TSPAN5: variants seen among roughly 807,000 people sequenced by gnomAD.
The protein encoded by TSPAN5 is tetraspanin 5.
Under a neutral mutation model 37.1 loss-of-function variants are expected in TSPAN5, and 10 were observed. The observed-to-expected ratio is 0.27, with a 90% CI of 0.17 to 0.46. TSPAN5 has a LOEUF of 0.46. Among genes scored for constraint, TSPAN5 ranks in the 20% least tolerant of loss-of-function variants. TSPAN5 has a pLI of 1.00. For missense variants in TSPAN5, 195 were observed against 326.6 expected, an observed-to-expected ratio of 0.60 and a Z score of 3.11; for synonymous variants, 110 against 118.9, an observed-to-expected ratio of 0.93 and a Z score of 0.48.
At chr4:98,634,086 A>G (rs190266418) in intron 1 of TSPAN5, among the ~76,000 whole-genome samples, 19 of 151,134 alleles carry the variant, frequency 1.3e-4, no homozygotes, top group African/African-American at 3.4e-4. Context: ...TCTCAAAAAA[A>G]AAAGGAAAGA....
intron 1 of TSPAN5, among the ~76,000 whole-genome samples, chr4:98,612,736 A>C (rs1239292501): frequency 6.6e-6 from 1 of 152,006 alleles, no homozygotes; most frequent in East Asian, 1.9e-4. Flanking sequence ...ACAAGTCCCA[A>C]TCATCTCAGC....
intron 1 of TSPAN5, among the ~76,000 whole-genome samples, chr4:98,547,757 A>G (rs1238567228): frequency 2.0e-5 from 3 of 152,172 alleles, no homozygotes; most frequent in Non-Finnish European, 4.4e-5. Flanking sequence ...CTGTAATCCC[A>G]GCACTTTGGG....
In TSPAN5 at chr4:98,472,446, G is replaced by T; in HGVS notation, c.*76C>A. 1 of 1,353,216 alleles carries T rather than the reference G, an allele frequency of 7.4e-7. No individual in the cohort carries two copies. The highest frequency in any genetic ancestry group is 1.0e-6 in the Non-Finnish European group (1 of 952,548). 83.8% of individuals were successfully genotyped at this position (1,353,216 alleles called of 1,614,324 possible). On this transcript the variant is annotated 3_prime_UTR_variant, in exon 8 of 8. Transcript: ENST00000305798. ...ATCTGTGATTAGGTCCATGCAGCTC[G>T]AAGATCAGTTCGGCACGCGGGAGGG...
At chr4:98,533,661 C>T (rs1396773180) in intron 1 of TSPAN5, among the ~76,000 whole-genome samples, 7 of 145,636 alleles carry the variant, frequency 4.8e-5, no homozygotes, top group Non-Finnish European at 1.0e-4. Flanking sequence ...CACTATTCTC[C>T]TGCCTCAGCC....
At chr4:98,486,697 G>A in intron 3 of TSPAN5, 41 bp downstream of exon 3, 3 of 1,612,850 alleles carry the variant, frequency 1.9e-6, no homozygotes, top group Non-Finnish European at 1.7e-6. Context: ...GGAAGGTAAA[G>A]TTTTGGCTCT....
chr4:98,521,078 C>T (rs1484523470), intron 1 of TSPAN5, among the ~76,000 whole-genome samples: 12 of 152,098 alleles, frequency 7.9e-5, no homozygotes, highest in Non-Finnish European at 1.2e-4. Flanking sequence ...ATTACAGGTG[C>T]GTGCCACCAC....
Position 98,658,361 on chromosome 4 carries a change from A to G in TSPAN5, c.-135T>C. 1.5e-6 allele frequency: 1 copy of G among 675,744 alleles called. No homozygotes were observed. Among genetic ancestry groups the G allele is most frequent in the Non-Finnish European group, 2.5e-6 (1 of 404,958 alleles). 41.9% of individuals were successfully genotyped at this position (675,744 alleles called of 1,614,324 possible). A position where few individuals can be genotyped will look rare whatever the true frequency, so the allele number is the denominator to read the frequency against. On this transcript the variant is annotated 5_prime_UTR_variant, in exon 1 of 8. Coordinates refer to ENST00000305798, the MANE Select transcript of TSPAN5 (RefSeq NM_005723.4). ...GCCGCGGCGCTGGCGGCCTGGGCTCAGCCGCGCGGGGACCGACCGGCGGAG... is the reference window on the plus strand; with the variant it reads ...GCCGCGGCGCTGGCGGCCTGGGCTCGGCCGCGCGGGGACCGACCGGCGGAG...
intron 1 of TSPAN5, among the ~76,000 whole-genome samples, chr4:98,630,407 C>G (rs1238868316): frequency 6.6e-6 from 1 of 151,044 alleles, no homozygotes. Flanking sequence ...GACTTATACA[C>G]CACTTCTCGT....
rs1461292787 is a variant in TSPAN5 at position 98,470,981 on chromosome 4, G to C, written c.*1541C>G. 6.6e-6 allele frequency: 1 copy of C among 152,166 alleles called. No individual in the cohort carries two copies. Among genetic ancestry groups the C allele is most frequent in the Non-Finnish European group, 1.5e-5 (1 of 68,026 alleles). The allele number at this position is 152,166 out of a possible 1,614,324, so 9.4% of individuals were successfully genotyped here. On this transcript the variant is annotated 3_prime_UTR_variant, in exon 8 of 8. Coordinates refer to ENST00000305798, the MANE Select transcript of TSPAN5 (RefSeq NM_005723.4). ...ACAGACTGATATCTGCTCCCCAGGA[G>C]GGCAACATCCGGTGGACACCAGCTG...
At chr4:98,499,580 TG>T (rs1753294466) in intron 2 of TSPAN5, among the ~76,000 whole-genome samples, 9 of 152,076 alleles carry the variant, frequency 5.9e-5, no homozygotes, top group Admixed American at 5.9e-4. Context: ...TTCATGTGTG[TG>T]TGAAACATTA....
At chr4:98,632,725 C>A in intron 1 of TSPAN5, among the ~76,000 whole-genome samples, 1 of 152,150 alleles carries the variant, frequency 6.6e-6, no homozygotes, top group Non-Finnish European at 1.5e-5. Flanking sequence ...GATGTATGCT[C>A]TGAAGGAAAA....
At position 98,559,136 on chromosome 4, in the gene TSPAN5, C is replaced by G. The variant is rs918380498; in HGVS notation, c.82-51408G>C. Among the ~76,000 whole-genome samples the G allele has an allele frequency of 1.5e-4, 12 of 77,770 alleles. No individual in the cohort carries two copies. The South Asian group carries it at 3.4e-3, about 22-fold the overall frequency. The allele number at this position is 77,770 out of a possible 152,430, so 51.0% of individuals were successfully genotyped here. ...GAAACAAGCCTTTCAAGAATTCAAA[C>G]AGTATTACTAGACAGTAACGACACT... On this transcript the variant is annotated intron_variant, in intron 1 of 7. Transcript: ENST00000305798.
intron 3 of TSPAN5, chr4:98,486,478 A>C: frequency 2.4e-6 from 1 of 418,354 alleles, no homozygotes; most frequent in Non-Finnish European, 4.3e-6. Flanking sequence ...ATCTTAGGGA[A>C]TGGAATCCAA....
At chr4:98,543,910 C>T (rs1754414639) in intron 1 of TSPAN5, among the ~76,000 whole-genome samples, 1 of 151,968 alleles carries the variant, frequency 6.6e-6, no homozygotes, top group Non-Finnish European at 1.5e-5. Flanking sequence ...GGTGCAGTGG[C>T]ACACACCTGT....
chr4:98,498,520 C>CCGCCGACA (rs1285579570), intron 2 of TSPAN5, among the ~76,000 whole-genome samples: 2 of 152,208 alleles, frequency 1.3e-5, no homozygotes, highest in Admixed American at 1.3e-4. Flanking sequence ...ACCTCCACCA[C>CCGCCGACA]CGCCGACAAA....
chr4:98,578,861 C>T (rs1009748325), intron 1 of TSPAN5, among the ~76,000 whole-genome samples: 9 of 152,140 alleles, frequency 5.9e-5, no homozygotes, highest in Admixed American at 4.6e-4. Context: ...GGAATTCTTT[C>T]CTCTAAGTTA....
At chr4:98,608,709 T>C (rs978293749) in intron 1 of TSPAN5, among the ~76,000 whole-genome samples, 3 of 152,108 alleles carry the variant, frequency 2.0e-5, no homozygotes, top group Non-Finnish European at 2.9e-5. Context: ...AGGGGGGAAA[T>C]AGACTATGTA....
At chr4:98,487,151 AG>A (rs1156409050) in intron 2 of TSPAN5, among the ~76,000 whole-genome samples, 3 of 29,308 alleles carry the variant, frequency 1.0e-4, no homozygotes, top group African/African-American at 2.7e-4. Flanking sequence ...GAAGGGAGGG[AG>A]GGGGGGATGG....
intron 1 of TSPAN5, among the ~76,000 whole-genome samples, chr4:98,534,465 T>A (rs1038721759): frequency 6.6e-6 from 1 of 152,222 alleles, no homozygotes; most frequent in Non-Finnish European, 1.5e-5. Flanking sequence ...ATAAGTGTGA[T>A]GAGTTGCTGA....
Sources: allele counts gnomAD v4.1 joint callset (sites outside exome capture counted in the v4.1 genomes callset), GRCh38; gene constraint gnomAD v4.1.1; transcripts MANE v1.5; gene names NCBI Gene and HGNC (gene_info 2026-07-23, HGNC 2026-07-21).